LHFPL3: variants seen among roughly 807,000 people sequenced by gnomAD.
The protein encoded by LHFPL3 is LHFPL tetraspan subfamily member 3 protein.
A neutral mutation model predicts 19.3 loss-of-function variants in LHFPL3; 5 were observed. The observed-to-expected ratio is 0.26, with a 90% CI of 0.14 to 0.54. LHFPL3 has a LOEUF of 0.54. LHFPL3 is among the 20% of genes least tolerant of loss of function. The pLI is 0.94. For missense variants in LHFPL3, 249 were observed against 307.4 expected, an observed-to-expected ratio of 0.81 and a Z score of 1.42; for synonymous variants, 133 against 126.2, an observed-to-expected ratio of 1.05 and a Z score of -0.36.
chr7:104,451,236 T>C (rs1458545434), intron 1 of LHFPL3, among the ~76,000 whole-genome samples: 3 of 152,212 alleles, frequency 2.0e-5, no homozygotes, highest in Non-Finnish European at 4.4e-5. Context: ...AAAGAAGGGA[T>C]ACCACTAACA....
At chr7:104,733,850 T>C (rs901078984) in intron 1 of LHFPL3, among the ~76,000 whole-genome samples, 2 of 152,216 alleles carry the variant, frequency 1.3e-5, no homozygotes, top group Admixed American at 6.5e-5. Flanking sequence ...GTCTTTGCAG[T>C]GGCTGGGACC....
intron 1 of LHFPL3, among the ~76,000 whole-genome samples, chr7:104,458,675 G>C (rs1422468458): frequency 4.6e-5 from 7 of 151,654 alleles, no homozygotes; most frequent in Admixed American, 3.9e-4. Flanking sequence ...AGCTTGATGG[G>C]GATGACATTG....
At position 104,647,349 on chromosome 7, in the gene LHFPL3, G is replaced by A. The variant is rs527604377; in HGVS notation, c.446-89326G>A. ...CAGGGCAGCTCTGCACTGGGTACCC[G>A]AATTTGGCTTGAGCTAGTGATTTCT... On this transcript the variant is annotated intron_variant, in intron 1 of 2. Coordinates refer to ENST00000424859, the MANE Select transcript of LHFPL3 (RefSeq NM_199000.3). Among the ~76,000 whole-genome samples, 37 of 152,264 alleles carry A rather than the reference G, an allele frequency of 2.4e-4. 1 individual carries two copies. The highest frequency in any genetic ancestry group is 8.2e-4 in the African/African-American group (34 of 41,548).
chr7:104,395,820 T>C (rs2116482310), intron 1 of LHFPL3, among the ~76,000 whole-genome samples: 1 of 152,338 alleles, frequency 6.6e-6, no homozygotes, highest in Middle Eastern at 3.4e-3. Flanking sequence ...TTTCTAACGT[T>C]TATGATGTTC....
intron 1 of LHFPL3, among the ~76,000 whole-genome samples, chr7:104,407,487 T>C (rs1336846950): frequency 4.6e-5 from 7 of 152,054 alleles, no homozygotes; most frequent in Non-Finnish European, 8.8e-5. Context: ...AGAAACCCCA[T>C]CTCTACTAAA....
At chr7:104,624,243 G>A (rs1302603837) in intron 1 of LHFPL3, among the ~76,000 whole-genome samples, 1 of 152,186 alleles carries the variant, frequency 6.6e-6, no homozygotes, top group Non-Finnish European at 1.5e-5. Flanking sequence ...AAAACATTCA[G>A]GATGTAGTTT....
At chr7:104,836,135 TAGG>T in intron 2 of LHFPL3, among the ~76,000 whole-genome samples, 1 of 152,262 alleles carries the variant, frequency 6.6e-6, no homozygotes, top group East Asian at 1.9e-4. Context: ...CAAAGATTTC[TAGG>T]AGAAGTGAAG....
chr7:104,705,964 C>T (rs1230057979), intron 1 of LHFPL3, among the ~76,000 whole-genome samples: 2 of 152,136 alleles, frequency 1.3e-5, no homozygotes, highest in Non-Finnish European at 2.9e-5. Flanking sequence ...TAGTTCTCGT[C>T]CCTCTTCCCC....
chr7:104,829,487 T>G lies in LHFPL3; in HGVS notation c.683-76700T>G, dbSNP rs938500897. ...TAATGCTATCCCTCCCCCATCCCCC[T>G]ACCCCACAACAGTCCCCGGAGTGTG... On this transcript the variant is annotated intron_variant, in intron 2 of 2. Transcript: ENST00000424859. 8.0e-5 allele frequency among the ~76,000 whole-genome samples: 12 copies of G among 149,956 alleles called. No individual in the cohort carries two copies. In the East Asian group the frequency reaches 8.0e-4, roughly 10 times the overall value.
chr7:104,622,036 A>G (rs1418432128), intron 1 of LHFPL3, among the ~76,000 whole-genome samples: 1 of 152,244 alleles, frequency 6.6e-6, no homozygotes. Context: ...GCATAAACAA[A>G]GAATCCCTTT....
chr7:104,837,278 A>C (rs1456022620), intron 2 of LHFPL3, among the ~76,000 whole-genome samples: 1 of 152,220 alleles, frequency 6.6e-6, no homozygotes, highest in African/African-American at 2.4e-5. Flanking sequence ...GGCTAAGAGC[A>C]GAGACGTCTG....
chr7:104,703,668 G>C (rs1793140465), intron 1 of LHFPL3, among the ~76,000 whole-genome samples: 1 of 152,116 alleles, frequency 6.6e-6, no homozygotes, highest in South Asian at 2.1e-4. Context: ...TTGTCTAACT[G>C]AATATGACAA....
At chr7:104,737,039 T>C in intron 2 of LHFPL3, 128 bp downstream of exon 2, 2 of 669,982 alleles carry the variant, frequency 3.0e-6, no homozygotes, top group Non-Finnish European at 5.1e-6. Context: ...TAATACCGTG[T>C]AGCTTGCAGA....
At chr7:104,394,460 A>C (rs1791142887) in intron 1 of LHFPL3, among the ~76,000 whole-genome samples, 1 of 152,182 alleles carries the variant, frequency 6.6e-6, no homozygotes. Flanking sequence ...ATACTCATAA[A>C]GAGATAAATA....
In LHFPL3 at chr7:104,771,688, C is replaced by A. The variant is rs910324208; in HGVS notation, c.682+34777C>A. On this transcript the variant is annotated intron_variant, in intron 2 of 2. Transcript: ENST00000424859. The stretch of plus-strand genomic sequence containing the variant: ...AAATACTGCTCACGCCACTCATAAT[C>A]CTCACTCCTGTGTGATTTGTTTACT... 4.0e-5 allele frequency among the ~76,000 whole-genome samples: 6 copies of A among 151,136 alleles called. No homozygotes were observed. In the South Asian group the frequency reaches 8.3e-4, roughly 21 times the overall value.
At chr7:104,864,563 TG>T (rs1791684680) in intron 2 of LHFPL3, among the ~76,000 whole-genome samples, 1 of 152,014 alleles carries the variant, frequency 6.6e-6, no homozygotes, top group African/African-American at 2.4e-5. Context: ...GCAGTGAGGC[TG>T]GGGGAGGGGC....
intron 1 of LHFPL3, among the ~76,000 whole-genome samples, chr7:104,376,021 A>G (rs926678707): frequency 1.3e-5 from 2 of 152,202 alleles, no homozygotes; most frequent in Non-Finnish European, 2.9e-5. Flanking sequence ...TAGGATTTGT[A>G]TCTTTATGGC....
intron 1 of LHFPL3, among the ~76,000 whole-genome samples, chr7:104,673,160 TG>T (rs1464644796): frequency 6.6e-6 from 1 of 152,194 alleles, no homozygotes; most frequent in African/African-American, 2.4e-5. Flanking sequence ...TGGCTTGGAA[TG>T]ACTTGAAATC....
Position 104,329,133 on chromosome 7 carries a change from C to T in LHFPL3, c.354C>T (p.Leu118=). The change falls in exon 1 of 3, where the codon CTC becomes CTT. Residue 118 remains leucine, a synonymous_variant. Coordinates refer to ENST00000424859, the MANE Select transcript of LHFPL3 (RefSeq NM_199000.3). ...ASFFIGLSMM[L]IIACIICFTL... ...TCTTTATCGGCCTCTCCATGATGCT[C>T]ATCATTGCCTGCATCATTTGCTTTA... 3.7e-6 allele frequency: 6 copies of T among 1,614,086 alleles called. No individual in the cohort carries two copies. The highest frequency in any genetic ancestry group is 1.1e-5 in the South Asian group (1 of 91,088).
Sources: allele counts gnomAD v4.1 joint callset (sites outside exome capture counted in the v4.1 genomes callset), GRCh38; gene constraint gnomAD v4.1.1; transcripts MANE v1.5; gene names NCBI Gene and HGNC (gene_info 2026-07-23, HGNC 2026-07-21).